Variants in ADGRG1 observed in about 807,000 individuals in gnomAD.
ADGRG1 encodes the protein 7-transmembrane protein with no EGF-like N-terminal domains-1.
A neutral mutation model predicts 73.5 loss-of-function variants in ADGRG1; 53 were observed. The observed-to-expected ratio is 0.72, with a 90% CI of 0.58 to 0.91. The LOEUF is 0.91. Among genes scored for constraint, ADGRG1 ranks in the 40% least tolerant of loss-of-function variants. The probability of loss-of-function intolerance (pLI) is 0.00; values close to 1 mark genes in which losing one functional copy is unlikely to be tolerated. For missense variants in ADGRG1, 795 were observed against 871.8 expected (o/e 0.91, Z 1.11); for synonymous variants, 394 against 374.4 (o/e 1.05, Z -0.60).
intron 6 of ADGRG1, 127 bp downstream of exon 6, chr16:57,655,657 G>A (rs944289178): frequency 6.3e-7 from 1 of 1,584,848 alleles, no homozygotes; most frequent in Middle Eastern, 1.7e-4. Context: ...GTTACAAATT[G>A]CACTGCAATG....
chr16:57,620,484 C>T (rs1354581246), upstream of ADGRG1, among the ~76,000 whole-genome samples: 5 of 152,202 alleles, frequency 3.3e-5, no homozygotes, highest in African/African-American at 4.8e-5. Context: ...GGGAGGCAGG[C>T]GGCAGGACCT....
intron 1 of ADGRG1, chr16:57,636,501 T>C (rs1256998789): frequency 1.0e-6 from 1 of 985,200 alleles, no homozygotes; most frequent in African/African-American, 1.7e-5. Flanking sequence ...TGTGTGCTCC[T>C]GATCCTGTTA....
chr16:57,657,159 TG>T, intron 9 of ADGRG1: 1 of 169,158 alleles, frequency 5.9e-6, no homozygotes, highest in Non-Finnish European at 1.2e-5. Context: ...TTGGCCTCTG[TG>T]GGTCAGGAAG....
chr16:57,650,550 A>T (rs2043793348), intron 2 of ADGRG1, 199 bp downstream of exon 2: 1 of 374,780 alleles, frequency 2.7e-6, no homozygotes, highest in Non-Finnish European at 3.7e-6. Context: ...GGTATGGAAT[A>T]TGGATGGGGT....
chr16:57,639,063 CTGTT>C (rs1367483071), intron 1 of ADGRG1, among the ~76,000 whole-genome samples: 5 of 150,212 alleles, frequency 3.3e-5, no homozygotes, highest in African/African-American at 7.4e-5. Flanking sequence ...GAGCGAAACT[CTGTT>C]TGAGAAAAAA....
intron 1 of ADGRG1, chr16:57,630,483 A>AG: frequency 3.0e-6 from 3 of 985,704 alleles, no homozygotes; most frequent in Non-Finnish European, 3.6e-6. Context: ...ATGGGTGTGT[A>AG]GGGGTGATCA....
chr16:57,629,659 G>A (rs897909073), intron 1 of ADGRG1, among the ~76,000 whole-genome samples: 1 of 152,218 alleles, frequency 6.6e-6, no homozygotes, highest in African/African-American at 2.4e-5. Flanking sequence ...CTGAACGTGG[G>A]CCACGTGGGT....
In ADGRG1 at chr16:57,664,491, C is replaced by T. The variant is rs2047932077; in HGVS notation, c.*909C>T. ...GGGGCCCTCAGCCTCTCCTGAAGCC[C>T]TCTTGTGGCAAGAACTGTGGACCAT... On this transcript the variant is annotated 3_prime_UTR_variant, in exon 14 of 14. Coordinates refer to ENST00000562631, the MANE Select transcript of ADGRG1 (RefSeq NM_201525.4). The T allele has an allele frequency of 6.6e-6, 1 of 152,404 alleles. No homozygotes were observed. Among genetic ancestry groups the T allele is most frequent in the Non-Finnish European group, 1.5e-5 (1 of 68,216 alleles). The allele number at this position is 152,404 out of a possible 1,614,324, so 9.4% of individuals were successfully genotyped here.
intron 11 of ADGRG1, 75 bp from the exon 12 acceptor site, chr16:57,660,693 G>C (rs2046874304): frequency 6.7e-7 from 1 of 1,482,074 alleles, no homozygotes; most frequent in African/African-American, 1.4e-5. Flanking sequence ...TTGCCCTCCA[G>C]ACTCCCTGAG....
chr16:57,637,538 C>T, intron 1 of ADGRG1: 1 of 985,416 alleles, frequency 1.0e-6, no homozygotes, highest in Non-Finnish European at 1.2e-6. Context: ...GCAACAGAGG[C>T]CGCCTTCTCC....
At chr16:57,653,569 A>G in intron 4 of ADGRG1, 1 of 985,306 alleles carries the variant, frequency 1.0e-6, no homozygotes, top group Non-Finnish European at 1.2e-6. Context: ...CCTCCCCCTC[A>G]TAAAGAAAGG....
chr16:57,622,328 G>A (rs1315843442), intron 2 of ADGRG1, among the ~76,000 whole-genome samples: 18 of 152,152 alleles, frequency 1.2e-4, no homozygotes, highest in African/African-American at 4.3e-4. Flanking sequence ...GTGATGCTGG[G>A]TGGCGTCTAG....
At chr16:57,646,617 C>T (rs1221307346) in intron 1 of ADGRG1, 19 of 985,094 alleles carry the variant, frequency 1.9e-5, no homozygotes, top group African/African-American at 3.5e-5. Flanking sequence ...TCCTCTCCTT[C>T]CCTTTGTGGG....
Position 57,656,535 on chromosome 16 carries a change from G to GCAGT in ADGRG1, c.1086_1089dup (p.Ala364GlnfsTer5). The GCAGT allele has an allele frequency of 6.2e-7, 1 of 1,613,604 alleles. No homozygotes were observed. Among genetic ancestry groups the GCAGT allele is most frequent in the Non-Finnish European group, 8.5e-7 (1 of 1,179,536 alleles). On this transcript the variant is annotated frameshift_variant, in exon 9 of 14. Coordinates refer to ENST00000562631, the MANE Select transcript of ADGRG1 (RefSeq NM_201525.4). LOFTEE classifies it high-confidence loss of function. Reference sequence around the variant, plus strand: ...TCAGTGAGCAGCCCGGGGCATTGGAGCAGTGCTGGGTGTGAGACCGTCAGG... The same window carrying GCAGT: ...TCAGTGAGCAGCCCGGGGCATTGGAGCAGTCAGTGCTGGGTGTGAGACCGTCAGG...
chr16:57,634,544 C>A, intron 1 of ADGRG1: 1 of 883,750 alleles, frequency 1.1e-6, no homozygotes, highest in Non-Finnish European at 1.4e-6. Flanking sequence ...CCACATTTCA[C>A]AGATGAGGAA....
At chr16:57,631,941 C>T (rs1233895681) in intron 1 of ADGRG1, 3 of 975,862 alleles carry the variant, frequency 3.1e-6, no homozygotes, top group South Asian at 4.7e-5. Flanking sequence ...CATTTTCTGA[C>T]CACTGCCCAG....
chr16:57,661,522 A>G, intron 12 of ADGRG1, 175 bp from the exon 13 acceptor site: 1 of 984,058 alleles, frequency 1.0e-6, no homozygotes. Flanking sequence ...TTTTCCTTTA[A>G]ACAATCTGAC....
Position 57,653,246 on chromosome 16 carries a change from C to T in ADGRG1, c.531C>T (p.Cys177=), listed in dbSNP as rs774109607. The T allele has an allele frequency of 8.7e-6, 14 of 1,612,186 alleles. No individual in the cohort carries two copies. The highest frequency in any genetic ancestry group is 2.7e-5 in the African/African-American group (2 of 74,872). The change falls in exon 4 of 14, where the codon TGC becomes TGT. Residue 177 remains cysteine (C), a synonymous_variant. Coordinates refer to ENST00000562631, the MANE Select transcript of ADGRG1 (RefSeq NM_201525.4). ...CTCACAATGCCTCGGTGGACATGTGCGAGCTCAAAAGGGACCTCCAGCTGC... is the reference window on the plus strand; with the variant it reads ...CTCACAATGCCTCGGTGGACATGTGTGAGCTCAAAAGGGACCTCCAGCTGC... ...TAAHNASVDM[C]ELKRDLQLLS...
In ADGRG1 at chr16:57,631,383, G is replaced by A. The variant is rs144721840; in HGVS notation, c.-36+2581G>A. The stretch of plus-strand genomic sequence containing the variant: ...AGCTGTGTGCAGGTGGGGTCTGGGG[G>A]GCTGTGCCATTTCAGGGATGCAGGA... On this transcript the variant is annotated intron_variant, in intron 1 of 13. Coordinates refer to ENST00000562631, the MANE Select transcript of ADGRG1 (RefSeq NM_201525.4). 5.3e-3 allele frequency: 5,238 copies of A among 985,952 alleles called. 11 individuals carry two copies. The highest frequency in any genetic ancestry group is 6.8e-3 in the Admixed American group (111 of 16,298). The allele number at this position is 985,952 out of a possible 1,614,324, so 61.1% of individuals were successfully genotyped here.
Sources: allele counts gnomAD v4.1 joint callset (sites outside exome capture counted in the v4.1 genomes callset), GRCh38; gene constraint gnomAD v4.1.1; transcripts MANE v1.5; gene names NCBI Gene and HGNC (gene_info 2026-07-23, HGNC 2026-07-21).